The following C1GALT1 variants were observed in gnomAD, a reference collection of about 807,000 sequenced individuals.
C1GALT1 encodes glycoprotein-N-acetylgalactosamine 3-beta-galactosyltransferase 1.
A neutral mutation model predicts 31.0 loss-of-function variants in C1GALT1; 11 were observed. That is an observed-to-expected ratio of 0.36 (90% CI 0.22 to 0.59). The LOEUF is 0.59. C1GALT1 is among the 20% of genes least tolerant of loss of function. The probability of loss-of-function intolerance (pLI) is 0.79; values close to 1 mark genes in which losing one functional copy is unlikely to be tolerated. For missense variants in C1GALT1, 424 were observed against 425.2 expected (o/e 1.00, Z 0.03); for synonymous variants, 175 against 143.6 (o/e 1.22, Z -1.56).
chr7:7,175,542 T>G (rs929428878), intron 2 of C1GALT1, among the ~76,000 whole-genome samples: 1 of 152,260 alleles, frequency 6.6e-6, no homozygotes, highest in African/African-American at 2.4e-5. Context: ...ATGTTTCAAC[T>G]GTAATCTCTG....
Position 7,234,373 on chromosome 7 carries a change from A to G in C1GALT1, c.54A>G (p.Ile18Met). The G allele has an allele frequency of 6.2e-7, 1 of 1,613,984 alleles. No homozygotes were observed. Among genetic ancestry groups the G allele is most frequent in the Non-Finnish European group, 8.5e-7 (1 of 1,179,938 alleles). ...TAACCTTCCTCTGTGGATCAGCAAT[A>G]GGATTTCTTTTATGTTCTCAGCTAT... ...NFLTFLCGSA[I>M]GFLLCSQLFS... Residue 18 changes from isoleucine (I) to methionine (M), a missense_variant, in exon 2 of 4, where the codon ATA becomes ATG. Physicochemically the swap from Ile to Met is conservative, Grantham distance 10. Coordinates refer to ENST00000436587, the MANE Select transcript of C1GALT1 (RefSeq NM_020156.5).
intron 1 of C1GALT1, among the ~76,000 whole-genome samples, chr7:7,230,771 GT>G (rs765314293): frequency 3.5e-4 from 49 of 141,776 alleles, no homozygotes; most frequent in East Asian, 1.4e-3. Flanking sequence ...TTATTAATCA[GT>G]TTTTTTTTTT....
At chr7:7,158,798 T>A (rs1767117585) in intron 2 of C1GALT1, among the ~76,000 whole-genome samples, 1 of 152,096 alleles carries the variant, frequency 6.6e-6, no homozygotes, top group African/African-American at 2.4e-5. Flanking sequence ...GACCTACTTG[T>A]AATTAGATAA....
intron 1 of C1GALT1, among the ~76,000 whole-genome samples, chr7:7,196,896 C>T (rs138416721): frequency 0.033 from 5,021 of 152,258 alleles, 186 homozygotes; most frequent in African/African-American, 0.091. Context: ...CCTTTTCCCA[C>T]TTTTTGATGG....
At chr7:7,160,773 G>C (rs1780325332) in intron 2 of C1GALT1, among the ~76,000 whole-genome samples, 1 of 152,086 alleles carries the variant, frequency 6.6e-6, no homozygotes, top group South Asian at 2.1e-4. Flanking sequence ...TTTTATCAGA[G>C]AAACCAGTCC....
intron 1 of C1GALT1, among the ~76,000 whole-genome samples, chr7:7,196,047 GTTGTTT>G (rs1449965922): frequency 1.3e-5 from 2 of 150,398 alleles, no homozygotes; most frequent in African/African-American, 5.0e-5. Flanking sequence ...TGTTGTTGTT[GTTGTTT>G]TTGTAATTTA....
chr7:7,227,420 G>A (rs1583816884), intron 1 of C1GALT1, among the ~76,000 whole-genome samples: 1 of 152,272 alleles, frequency 6.6e-6, no homozygotes, highest in East Asian at 1.9e-4. Context: ...AACTGTTTTG[G>A]CTTTATAAAG....
chr7:7,159,691 A>C lies in C1GALT1; in HGVS notation c.-18+2265A>C, dbSNP rs542663380. Among the ~76,000 whole-genome samples, 8 of 152,274 alleles carry C rather than the reference A, an allele frequency of 5.3e-5. 1 individual carries two copies. In the East Asian group the frequency reaches 1.5e-3, roughly 29 times the overall value. Reference sequence around the variant, plus strand: ...GCCTTTGGAAAGTCACTATTTTTACACGTAGATTTTCTTTATCTGCAATCT... The same window carrying C: ...GCCTTTGGAAAGTCACTATTTTTACCCGTAGATTTTCTTTATCTGCAATCT... On this transcript the variant is annotated intron_variant, in intron 2 of 3. Coordinates refer to the C1GALT1 transcript ENST00000429911.
intron 1 of C1GALT1, among the ~76,000 whole-genome samples, chr7:7,219,511 A>T (rs1782410017): frequency 6.6e-6 from 1 of 152,230 alleles, no homozygotes; most frequent in East Asian, 1.9e-4. Flanking sequence ...TACTCTGAAA[A>T]AAATAAAGCC....
chr7:7,223,469 A>C (rs948858574), intron 1 of C1GALT1, among the ~76,000 whole-genome samples: 3 of 152,168 alleles, frequency 2.0e-5, no homozygotes, highest in African/African-American at 2.4e-5. Context: ...GGCCACACAC[A>C]GGTTCTTTAG....
chr7:7,167,277 C>T (rs77773413), intron 2 of C1GALT1, among the ~76,000 whole-genome samples: 3,314 of 152,130 alleles, frequency 0.022, 113 homozygotes, highest in African/African-American at 0.075. Flanking sequence ...GAGTTTGCCC[C>T]GAATGGCAAT....
At chr7:7,206,123 TC>T (rs1304574519) in intron 1 of C1GALT1, among the ~76,000 whole-genome samples, 2 of 152,206 alleles carry the variant, frequency 1.3e-5, no homozygotes, top group East Asian at 3.8e-4. Context: ...TACAATTCCA[TC>T]CCCACCACTT....
intron 1 of C1GALT1, among the ~76,000 whole-genome samples, chr7:7,188,213 G>A (rs74576164): frequency 1.3e-5 from 2 of 152,152 alleles, no homozygotes; most frequent in African/African-American, 2.4e-5. Context: ...AAGAATATCT[G>A]TGTACTTTGT....
chr7:7,199,152 C>T (rs1348220298), intron 1 of C1GALT1, among the ~76,000 whole-genome samples: 3 of 152,132 alleles, frequency 2.0e-5, no homozygotes, highest in South Asian at 2.1e-4. Flanking sequence ...TAGATCTTTC[C>T]TGCTTTCTCT....
In C1GALT1 at chr7:7,238,816, T is replaced by A. The variant is rs61744815; in HGVS notation, c.782T>A (p.Ile261Asn). Residue 261 changes from isoleucine (I) to asparagine (N), a missense_variant, in exon 3 of 4, where the codon ATT becomes AAT. Transcript: ENST00000436587. The surrounding 1 kb of genome is among the most constrained non-coding windows in gnomAD (Gnocchi z 5.2). The stretch of plus-strand genomic sequence containing the variant: ...GAAGCAGGAGATTCCAGAGATACCA[T>A]TGGAAAAGAAACTTTTCATCCCTTT... ...NVEAGDSRDT[I>N]GKETFHPFVP... The A allele has an allele frequency of 0.04, 64,309 of 1,613,740 alleles. 1,498 individuals carry two copies. The highest frequency in any genetic ancestry group is 0.046 in the Non-Finnish European group (53,770 of 1,179,830).
At chr7:7,171,557 G>C (rs1239069059) in intron 2 of C1GALT1, among the ~76,000 whole-genome samples, 3 of 152,056 alleles carry the variant, frequency 2.0e-5, no homozygotes, top group African/African-American at 7.2e-5. Context: ...CTGCCTTTGA[G>C]TGAATAGTTT....
chr7:7,230,222 G>A, intron 1 of C1GALT1, among the ~76,000 whole-genome samples: 2 of 152,194 alleles, frequency 1.3e-5, no homozygotes, highest in East Asian at 3.9e-4. Context: ...TACTTAATGG[G>A]ATAAAGACAC....
chr7:7,203,085 C>A (rs1315795767), intron 1 of C1GALT1, among the ~76,000 whole-genome samples: 2 of 130,186 alleles, frequency 1.5e-5, no homozygotes, highest in Non-Finnish European at 3.1e-5. Context: ...TTTATTAGTT[C>A]TAACAGGTTT....
intron 2 of C1GALT1, among the ~76,000 whole-genome samples, chr7:7,176,622 T>G (rs1257547788): frequency 6.6e-6 from 1 of 152,244 alleles, no homozygotes; most frequent in African/African-American, 2.4e-5. Context: ...GCTAATATGC[T>G]GTGAGTCACA....
Sources: allele counts gnomAD v4.1 joint callset (sites outside exome capture counted in the v4.1 genomes callset), GRCh38; gene constraint gnomAD v4.1.1; non-coding constraint Gnocchi (gnomAD v3.1); transcripts MANE v1.5; gene names NCBI Gene and HGNC (gene_info 2026-07-23, HGNC 2026-07-21).